Variants in GREB1L observed in about 807,000 individuals in gnomAD.
GREB1L encodes GREB1-like protein.
Under a neutral mutation model 200.8 loss-of-function variants are expected in GREB1L, and 17 were observed. The observed-to-expected ratio is 0.08, with a 90% CI of 0.06 to 0.13. The LOEUF (loss-of-function observed/expected upper bound fraction) is 0.13, where lower values mean the gene tolerates loss of function less well. Among genes scored for constraint, GREB1L ranks in the 10% least tolerant of loss-of-function variants. GREB1L has a pLI of 1.00. For synonymous variants in GREB1L, 789 were observed against 893.0 expected (o/e 0.88, Z 2.08); for missense variants, 1,657 against 2,367.7 (o/e 0.70, Z 6.23).
At chr18:21,347,737 G>A (rs1228843483) in intron 1 of GREB1L, among the ~76,000 whole-genome samples, 2 of 147,268 alleles carry the variant, frequency 1.4e-5, no homozygotes, top group African/African-American at 2.5e-5. Flanking sequence ...GATTAGGCGT[G>A]AGCCACCATG....
At chr18:21,494,291 A>G (rs1441164037) in intron 19 of GREB1L, among the ~76,000 whole-genome samples, 1 of 152,234 alleles carries the variant, frequency 6.6e-6, no homozygotes, top group Non-Finnish European at 1.5e-5. Flanking sequence ...AGATTGGACA[A>G]CAAGTAAAAG....
intron 17 of GREB1L, among the ~76,000 whole-genome samples, chr18:21,478,058 T>C (rs1006260): frequency 0.48 from 73,623 of 152,070 alleles, 21,281 homozygotes; most frequent in Non-Finnish European, 0.65. Flanking sequence ...CATTTTATTG[T>C]CCTCTTGGAT....
intron 1 of GREB1L, among the ~76,000 whole-genome samples, chr18:21,260,668 A>G (rs1174841772): frequency 1.5e-5 from 2 of 134,804 alleles, no homozygotes; most frequent in African/African-American, 7.5e-5. Flanking sequence ...TTAACATATA[A>G]ATCTAATTAA....
At chr18:21,450,847 G>T (rs1225282608) in intron 12 of GREB1L, 176 bp from the exon 13 acceptor site, 6 of 553,362 alleles carry the variant, frequency 1.1e-5, no homozygotes, top group Admixed American at 9.9e-5. Context: ...TCTAGAGTCA[G>T]AATTGATATT....
At chr18:21,300,745 T>G in intron 1 of GREB1L, among the ~76,000 whole-genome samples, 1 of 152,208 alleles carries the variant, frequency 6.6e-6, no homozygotes, top group East Asian at 1.9e-4. Context: ...CTTTCCTTTT[T>G]CATCATCTTT....
Position 21,477,368 on chromosome 18 carries a change from G to T in GREB1L, c.2556+12G>T. On this transcript the variant is annotated intron_variant, in intron 17 of 32. Coordinates refer to ENST00000424526, the MANE Select transcript of GREB1L (RefSeq NM_001142966.3). ...AGCTGGATACTGGGGTGAGTCTCTT[G>T]CCTGCTGTCTGATACACTGTCATGT... 1 of 1,532,812 alleles carries T rather than the reference G, an allele frequency of 6.5e-7. No individual in the cohort carries two copies. Among genetic ancestry groups the T allele is most frequent in the Non-Finnish European group, 8.8e-7 (1 of 1,134,196 alleles). 95.0% of individuals were successfully genotyped at this position (1,532,812 alleles called of 1,614,324 possible).
At chr18:21,499,654 T>G (rs2036693393) in intron 21 of GREB1L, 75 bp from the exon 22 acceptor site, 4 of 1,091,692 alleles carry the variant, frequency 3.7e-6, no homozygotes. Context: ...ACTGCTTTCC[T>G]GGCCTTTGTC....
intron 1 of GREB1L, among the ~76,000 whole-genome samples, chr18:21,268,821 C>T (rs1321735315): frequency 6.6e-6 from 1 of 151,568 alleles, no homozygotes; most frequent in African/African-American, 2.4e-5. Context: ...TGGTCTTGAA[C>T]TCCTGGGCTC....
intron 1 of GREB1L, among the ~76,000 whole-genome samples, chr18:21,313,604 G>A (rs1211571426): frequency 6.6e-6 from 1 of 152,198 alleles, no homozygotes; most frequent in Non-Finnish European, 1.5e-5. Context: ...CATACCAGCA[G>A]TGACTTAAAA....
intron 7 of GREB1L, among the ~76,000 whole-genome samples, chr18:21,434,388 A>G (rs2033374479): frequency 6.6e-6 from 1 of 151,846 alleles, no homozygotes; most frequent in African/African-American, 2.4e-5. Flanking sequence ...AGGCAGGAGA[A>G]TCTCTTGAAC....
Position 21,483,482 on chromosome 18 carries a change from A to G in GREB1L, c.2557-2138A>G, listed in dbSNP as rs149011725. Among the ~76,000 whole-genome samples the G allele has an allele frequency of 1.0e-3, 154 of 152,322 alleles. 4 individuals carry two copies. The South Asian group carries it at 0.028, about 28-fold the overall frequency. On this transcript the variant is annotated intron_variant, in intron 17 of 32. Transcript: ENST00000424526. ...TAGCCTTGAAAATAGATGTCATTCAATCTATGTTGTCAGTCTCCAGTATCT... is the reference window on the plus strand; with the variant it reads ...TAGCCTTGAAAATAGATGTCATTCAGTCTATGTTGTCAGTCTCCAGTATCT...
chr18:21,288,735 CTT>C (rs557869552), intron 1 of GREB1L, among the ~76,000 whole-genome samples: 2 of 143,674 alleles, frequency 1.4e-5, no homozygotes, highest in South Asian at 2.2e-4. Context: ...GGCTACCATC[CTT>C]TTTTTTTTTT....
At chr18:21,440,225 A>G (rs778812913) in intron 8 of GREB1L, 44 bp from the exon 9 acceptor site, 3 of 1,546,664 alleles carry the variant, frequency 1.9e-6, no homozygotes, top group Non-Finnish European at 2.6e-6. Flanking sequence ...CACATGGCTG[A>G]GAACAAGACT....
chr18:21,517,932 C>A (rs1370899559), intron 30 of GREB1L, 102 bp from the exon 31 acceptor site: 2 of 857,700 alleles, frequency 2.3e-6, no homozygotes, highest in African/African-American at 1.7e-5. Context: ...CACTGTGCTA[C>A]TGCTATTATT....
chr18:21,351,238 A>G (rs1048210583), intron 1 of GREB1L, among the ~76,000 whole-genome samples: 3 of 152,104 alleles, frequency 2.0e-5, no homozygotes, highest in South Asian at 2.1e-4. Flanking sequence ...TTTCTACACA[A>G]CTGCTTAACA....
At chr18:21,509,527 G>C (rs1212855521) in intron 27 of GREB1L, among the ~76,000 whole-genome samples, 1 of 152,064 alleles carries the variant, frequency 6.6e-6, no homozygotes, top group African/African-American at 2.4e-5. Context: ...CCCATTTCTT[G>C]TTCCTTTCTA....
At chr18:21,320,917 A>C (rs1598656354) in intron 1 of GREB1L, among the ~76,000 whole-genome samples, 2 of 152,230 alleles carry the variant, frequency 1.3e-5, no homozygotes, top group South Asian at 4.1e-4. Context: ...ATTAGAGGAA[A>C]AATGATACAT....
chr18:21,487,721 C>T (rs974749325), intron 18 of GREB1L, among the ~76,000 whole-genome samples: 8 of 152,110 alleles, frequency 5.3e-5, no homozygotes, highest in African/African-American at 1.9e-4. Context: ...GCAGAGTGGG[C>T]TGGGCGCGGT....
chr18:21,367,388 TTCTC>T (rs748739596), intron 2 of GREB1L, among the ~76,000 whole-genome samples: 12 of 152,194 alleles, frequency 7.9e-5, no homozygotes, highest in Non-Finnish European at 1.8e-4. Context: ...ATTTTAGTGT[TTCTC>T]TCTCAGGAAG....
Sources: gnomAD v4.1 joint callset for allele counts (sites outside exome capture counted in the v4.1 genomes callset) on GRCh38, gnomAD v4.1.1 for gene constraint, MANE v1.5 for transcripts, NCBI Gene and HGNC (gene_info 2026-07-23, HGNC 2026-07-21) for gene names.